The following PACRG variants were observed in gnomAD, a reference collection of about 807,000 sequenced individuals.
The protein encoded by PACRG is parkin coregulated.
Under a neutral mutation model 29.7 loss-of-function variants are expected in PACRG, and 29 were observed. The observed-to-expected ratio is 0.98, with a 90% CI of 0.73 to 1.33. The LOEUF (loss-of-function observed/expected upper bound fraction) is 1.33, where lower values mean the gene tolerates loss of function less well. Ranked by LOEUF, PACRG falls within the 40% of genes most tolerant of loss-of-function variation. The pLI is 0.00. For missense variants in PACRG, 279 were observed against 316.2 expected, an observed-to-expected ratio of 0.88 and a Z score of 0.89; for synonymous variants, 116 against 118.7, an observed-to-expected ratio of 0.98 and a Z score of 0.15.
chr6:163,057,424 A>T (rs947560738), intron 2 of PACRG, among the ~76,000 whole-genome samples: 5 of 151,850 alleles, frequency 3.3e-5, no homozygotes, highest in African/African-American at 9.7e-5. Context: ...CTGCTTATTT[A>T]TTTTTTTTCC....
Position 162,938,127 on chromosome 6 carries a change from C to T in PACRG, c.291+123846C>T, listed in dbSNP as rs540574233. Among the ~76,000 whole-genome samples the T allele has an allele frequency of 4.6e-5, 7 of 152,264 alleles. No individual in the cohort carries two copies. The South Asian group carries it at 1.5e-3, about 32-fold the overall frequency. On this transcript the variant is annotated intron_variant, in intron 2 of 4. Coordinates refer to ENST00000366888, the MANE Select transcript of PACRG (RefSeq NM_001080379.2). ...TTGCATCCTCATAGCTTAGCTCCTACTTATGAATGAGAACACACAATGTTT... is the reference window on the plus strand; with the variant it reads ...TTGCATCCTCATAGCTTAGCTCCTATTTATGAATGAGAACACACAATGTTT...
chr6:162,824,447 T>C (rs1316267056), intron 2 of PACRG, among the ~76,000 whole-genome samples: 1 of 152,238 alleles, frequency 6.6e-6, no homozygotes, highest in Non-Finnish European at 1.5e-5. Flanking sequence ...TCCATTGATC[T>C]CATTTTCTGT....
At chr6:162,868,744 C>T (rs1053317931) in intron 2 of PACRG, among the ~76,000 whole-genome samples, 2 of 152,206 alleles carry the variant, frequency 1.3e-5, no homozygotes, top group African/African-American at 2.4e-5. Flanking sequence ...GGGTCTGCCG[C>T]GGGATGCCCT....
At chr6:163,141,045 C>T (rs511826) in intron 4 of PACRG, among the ~76,000 whole-genome samples, 43,743 of 151,902 alleles carry the variant, frequency 0.29, 6,678 homozygotes, top group East Asian at 0.55. Flanking sequence ...AACTGAAAAA[C>T]ATTAAAGACA....
chr6:163,007,180 A>C (rs995699909), intron 2 of PACRG, among the ~76,000 whole-genome samples: 1 of 152,174 alleles, frequency 6.6e-6, no homozygotes, highest in African/African-American at 2.4e-5. Context: ...TATATAGTAT[A>C]AAAACATGGA....
intron 1 of PACRG, among the ~76,000 whole-genome samples, chr6:162,760,605 G>A (rs1782274229): frequency 6.6e-6 from 1 of 152,134 alleles, no homozygotes. Context: ...TGTGATGGAG[G>A]AACCACACGG....
intron 3 of PACRG, among the ~76,000 whole-genome samples, chr6:163,074,149 A>T (rs180864046): frequency 4.4e-4 from 67 of 152,372 alleles, no homozygotes; most frequent in African/African-American, 1.6e-3. Context: ...TATTCACAAT[A>T]ACCAAGATTT....
rs140113078 is a variant in PACRG, at chr6:163,081,710, C to G, written c.464-7549C>G. Among the ~76,000 whole-genome samples, 588 of 151,938 alleles carry G rather than the reference C, an allele frequency of 3.9e-3. 4 individuals carry two copies. Among genetic ancestry groups the G allele is most frequent in the African/African-American group, 0.013 (544 of 41,280 alleles). On this transcript the variant is annotated intron_variant, in intron 3 of 4. Transcript: ENST00000366888. ...GGATTAAGCTATAGTGGGCTATGATCACACCACTGCACTCCAGCTAGGGTG... is the reference window on the plus strand; with the variant it reads ...GGATTAAGCTATAGTGGGCTATGATGACACCACTGCACTCCAGCTAGGGTG...
intron 1 of PACRG, among the ~76,000 whole-genome samples, chr6:162,773,131 A>G (rs1373228150): frequency 6.6e-6 from 1 of 152,186 alleles, no homozygotes; most frequent in Non-Finnish European, 1.5e-5. Context: ...GCAAAGAGAA[A>G]CTAGAGATAA....
At chr6:163,105,771 C>T (rs1815348164) in intron 4 of PACRG, among the ~76,000 whole-genome samples, 1 of 152,086 alleles carries the variant, frequency 6.6e-6, no homozygotes, top group East Asian at 1.9e-4. Context: ...TTAGTCAAAT[C>T]AGTCATGGAA....
chr6:163,067,473 G>A (rs1811657586), intron 3 of PACRG, among the ~76,000 whole-genome samples: 1 of 152,306 alleles, frequency 6.6e-6, no homozygotes, highest in Admixed American at 6.5e-5. Flanking sequence ...AAGATTTTAG[G>A]CCTTAAATGT....
chr6:163,304,040 T>TAAAAAAAAAAAAA (rs1554245110), intron 4 of PACRG, among the ~76,000 whole-genome samples: 1 of 111,962 alleles, frequency 8.9e-6, no homozygotes. Flanking sequence ...AAAAAAAAAG[T>TAAAAAAAAAAAAA]AAATGGGATA....
At chr6:162,988,704 C>T (rs1803131730) in intron 2 of PACRG, among the ~76,000 whole-genome samples, 1 of 152,072 alleles carries the variant, frequency 6.6e-6, no homozygotes, top group South Asian at 2.1e-4. Flanking sequence ...GCAGCATATT[C>T]ATTAAAATGC....
chr6:162,881,290 C>T (rs946661615), intron 2 of PACRG, among the ~76,000 whole-genome samples: 5 of 152,180 alleles, frequency 3.3e-5, no homozygotes, highest in African/African-American at 1.2e-4. Context: ...CTTAATGAAC[C>T]TGTTTTCCTT....
chr6:163,006,443 A>G (rs1805124653), intron 2 of PACRG, among the ~76,000 whole-genome samples: 1 of 151,686 alleles, frequency 6.6e-6, no homozygotes, highest in African/African-American at 2.4e-5. Context: ...TAAGTTGACA[A>G]TATCATTTAG....
chr6:163,036,568 C>T (rs563887052), intron 2 of PACRG, among the ~76,000 whole-genome samples: 10 of 152,194 alleles, frequency 6.6e-5, no homozygotes, highest in East Asian at 1.9e-4. Flanking sequence ...ATTCAATCAC[C>T]TCCTGCCTTT....
chr6:163,155,710 C>T (rs1778283063), intron 4 of PACRG, among the ~76,000 whole-genome samples: 2 of 152,230 alleles, frequency 1.3e-5, no homozygotes, highest in African/African-American at 4.8e-5. Flanking sequence ...CTATAATCCA[C>T]TCAACTGACT....
intron 3 of PACRG, among the ~76,000 whole-genome samples, chr6:163,066,629 G>C (rs1421745528): frequency 6.6e-6 from 1 of 152,168 alleles, no homozygotes; most frequent in African/African-American, 2.4e-5. Flanking sequence ...AACAGAGTCT[G>C]TCTATTAAAA....
At chr6:162,951,857 G>A (rs755136196) in intron 2 of PACRG, among the ~76,000 whole-genome samples, 8 of 152,142 alleles carry the variant, frequency 5.3e-5, no homozygotes, top group Non-Finnish European at 1.2e-4. Flanking sequence ...GGGGAGGGGA[G>A]CACTAGCAAG....
Sources: allele counts gnomAD v4.1 joint callset (sites outside exome capture counted in the v4.1 genomes callset), GRCh38; gene constraint gnomAD v4.1.1; transcripts MANE v1.5; gene names NCBI Gene and HGNC (gene_info 2026-07-23, HGNC 2026-07-21).